DCHS2: variants seen among roughly 807,000 people sequenced by gnomAD.
DCHS2 encodes dachsous cadherin-related 2.
Under a neutral mutation model 182.4 loss-of-function variants are expected in DCHS2, and 142 were observed. That is an observed-to-expected ratio of 0.78 (90% CI 0.68 to 0.89). DCHS2 has a LOEUF of 0.89. Ranked by LOEUF, DCHS2 falls within the 40% of genes least tolerant of loss-of-function variation. The pLI is 0.00. For synonymous variants in DCHS2, 1,740 were observed against 1,663.3 expected (o/e 1.05, Z -1.12); for missense variants, 4,319 against 4,198.6 (o/e 1.03, Z -0.79).
intron 16 of DCHS2, 36 bp downstream of exon 16, chr4:154,255,483 A>C (rs1319227261): frequency 1.3e-6 from 2 of 1,590,964 alleles, no homozygotes; most frequent in Non-Finnish European, 1.7e-6. Context: ...AGCAGGCAGA[A>C]TAAATGGAGC....
chr4:154,241,570 G>C (rs997138321), intron 17 of DCHS2, among the ~76,000 whole-genome samples: 3 of 152,100 alleles, frequency 2.0e-5, no homozygotes, highest in Non-Finnish European at 4.4e-5. Flanking sequence ...AATATGCCAA[G>C]ATGCTCAGAA....
chr4:154,269,527 ATC>A (rs1183055669), intron 14 of DCHS2: 1 of 170,100 alleles, frequency 5.9e-6, no homozygotes, highest in African/African-American at 2.4e-5. Context: ...AATTACAAGA[ATC>A]TCTGATGAAA....
At chr4:154,293,518 G>T (rs1404482786) in intron 13 of DCHS2, among the ~76,000 whole-genome samples, 1 of 152,054 alleles carries the variant, frequency 6.6e-6, no homozygotes, top group East Asian at 1.9e-4. Context: ...TTGGTATTTC[G>T]ATGTGTAGTC....
intron 1 of DCHS2, among the ~76,000 whole-genome samples, chr4:154,451,980 G>A (rs186638065): frequency 6.6e-6 from 1 of 152,296 alleles, no homozygotes; most frequent in Admixed American, 6.5e-5. Context: ...ATATCAAGAG[G>A]ACAGGATGAC....
intron 1 of DCHS2, among the ~76,000 whole-genome samples, chr4:154,449,849 A>G (rs1031668962): frequency 6.6e-6 from 1 of 152,206 alleles, no homozygotes; most frequent in African/African-American, 2.4e-5. Flanking sequence ...CGTTTGTGAT[A>G]ATCAACGTCA....
chr4:154,373,814 A>T, intron 2 of DCHS2: 1 of 843,346 alleles, frequency 1.2e-6, no homozygotes, highest in Non-Finnish European at 1.9e-6. Flanking sequence ...AAGATGGAGA[A>T]GGTGTGCAAG....
intron 6 of DCHS2, 146 bp from the exon 7 acceptor site, chr4:154,328,338 A>T: frequency 1.9e-6 from 1 of 522,788 alleles, no homozygotes; most frequent in Non-Finnish European, 3.3e-6. Context: ...ACCATGTAAA[A>T]GTTATATGGG....
At chr4:154,352,658 C>T (rs1461703285) in intron 3 of DCHS2, 2 of 152,208 alleles carry the variant, frequency 1.3e-5, no homozygotes, top group African/African-American at 4.8e-5. Context: ...AACCTTCCTC[C>T]TGAAAGCAAG....
intron 3 of DCHS2, among the ~76,000 whole-genome samples, chr4:154,356,179 A>G (rs1308176626): frequency 6.6e-6 from 1 of 152,054 alleles, no homozygotes; most frequent in East Asian, 1.9e-4. Flanking sequence ...GGCCTAGGCT[A>G]ATGTGTGCGT....
In DCHS2 at chr4:154,489,552, ACT is replaced by A. The variant is rs1380261061; in HGVS notation, c.1802_1803del (p.Glu601ValfsTer8). 9 of 1,551,202 alleles carry A rather than the reference ACT, an allele frequency of 5.8e-6. No individual in the cohort carries two copies. Among genetic ancestry groups the A allele is most frequent in the South Asian group, 1.2e-5 (1 of 84,032 alleles). ...GAATCAATGGCAAAAGATGGTCCAC[ACT>A]CTGCGGTGTGGACCATCTTTGATTG... Reference protein sequence around the residue: ...SLQSKMVHTAECGPSFAIDSE... With the variant: ...SLQSKMVHTAXCGPSFAIDSE... On this transcript the variant is annotated frameshift_variant, in exon 1 of 20. Coordinates refer to ENST00000357232, the MANE Select transcript of DCHS2 (RefSeq NM_001358235.2). LOFTEE classifies it high-confidence loss of function.
rs538565227 is a variant in DCHS2, at chr4:154,353,687, G to C, written c.2476+12523C>G. 2.6e-5 allele frequency among the ~76,000 whole-genome samples: 4 copies of C among 152,208 alleles called. No individual in the cohort carries two copies. In the East Asian group the frequency reaches 7.7e-4, roughly 29 times the overall value. ...TTCCAGTGGTCCTTCTTCCTCCTCA[G>C]ACTTCTAAGCATTCCTCTAGCGAAG... is the stretch of plus-strand genomic sequence containing the variant. On this transcript the variant is annotated intron_variant, in intron 3 of 19. Coordinates refer to ENST00000357232, the MANE Select transcript of DCHS2 (RefSeq NM_001358235.2).
At chr4:154,304,133 C>A (rs1313822362) in intron 12 of DCHS2, among the ~76,000 whole-genome samples, 1 of 150,836 alleles carries the variant, frequency 6.6e-6, no homozygotes, top group African/African-American at 2.4e-5. Flanking sequence ...ATTGGCATCC[C>A]AGTGGTAGCT....
intron 1 of DCHS2, among the ~76,000 whole-genome samples, chr4:154,398,439 C>T (rs1369653614): frequency 6.6e-6 from 1 of 152,134 alleles, no homozygotes. Flanking sequence ...TTCTCATTTT[C>T]CTTCCAACTT....
At chr4:154,436,999 A>G (rs1733807348) in intron 1 of DCHS2, among the ~76,000 whole-genome samples, 1 of 152,180 alleles carries the variant, frequency 6.6e-6, no homozygotes, top group Admixed American at 6.5e-5. Context: ...TGGTGTGGGT[A>G]CTGGAAAATT....
intron 7 of DCHS2, 119 bp from the exon 8 acceptor site, chr4:154,322,607 A>C: frequency 7.8e-7 from 1 of 1,280,966 alleles, no homozygotes; most frequent in Non-Finnish European, 1.0e-6. Context: ...CTATGAGAGT[A>C]TGAACACAAA....
intron 7 of DCHS2, among the ~76,000 whole-genome samples, chr4:154,327,598 G>A (rs1007090810): frequency 6.6e-6 from 1 of 152,102 alleles, no homozygotes; most frequent in East Asian, 1.9e-4. Flanking sequence ...GGGCCTGCAT[G>A]TTCCAACAGA....
chr4:154,445,947 G>C (rs765065501), intron 1 of DCHS2, among the ~76,000 whole-genome samples: 26 of 152,044 alleles, frequency 1.7e-4, no homozygotes, highest in Non-Finnish European at 2.9e-4. Context: ...CCTGAAAAAT[G>C]ACTTCAAAAT....
chr4:154,288,628 C>G (rs1364348667), intron 13 of DCHS2, among the ~76,000 whole-genome samples: 1 of 152,086 alleles, frequency 6.6e-6, no homozygotes, highest in Non-Finnish European at 1.5e-5. Context: ...ACATTCTTCT[C>G]CTCAGCACAT....
chr4:154,485,198 C>T lies in DCHS2; in HGVS notation c.2052+4106G>A, dbSNP rs185417845. On this transcript the variant is annotated intron_variant, in intron 1 of 19. Transcript: ENST00000357232. Reference sequence around the variant, plus strand: ...ACAGAGCCTTTGGGAATGCCTCTACCACACTGAGTGTGGGGTGGCACAAGA... The same window carrying T: ...ACAGAGCCTTTGGGAATGCCTCTACTACACTGAGTGTGGGGTGGCACAAGA... 9.2e-5 allele frequency among the ~76,000 whole-genome samples: 14 copies of T among 152,162 alleles called. No individual in the cohort carries two copies. The East Asian group carries it at 1.4e-3, about 15-fold the overall frequency.
Sources: allele counts gnomAD v4.1 joint callset (sites outside exome capture counted in the v4.1 genomes callset), GRCh38; gene constraint gnomAD v4.1.1; transcripts MANE v1.5; gene names NCBI Gene and HGNC (gene_info 2026-07-23, HGNC 2026-07-21).